The following SLC14A2 variants were observed in gnomAD, a reference collection of about 807,000 sequenced individuals.
SLC14A2 encodes the protein urea transporter 2.
Under a neutral mutation model 104.6 loss-of-function variants are expected in SLC14A2, and 91 were observed. That is an observed-to-expected ratio of 0.87 (90% CI 0.73 to 1.04). The LOEUF (loss-of-function observed/expected upper bound fraction) is 1.04. Among genes scored for constraint, SLC14A2 ranks in the 50% least tolerant of loss-of-function variants. The pLI is 0.00. For synonymous variants in SLC14A2, 476 were observed against 466.4 expected (o/e 1.02, Z -0.27); for missense variants, 1,189 against 1,156.0 (o/e 1.03, Z -0.41).
At chr18:45,600,610 A>G (rs2044775029) in intron 2 of SLC14A2, among the ~76,000 whole-genome samples, 1 of 152,184 alleles carries the variant, frequency 6.6e-6, no homozygotes, top group Admixed American at 6.5e-5. Flanking sequence ...ACCTCTGCAC[A>G]GAGAGCAGCA....
At chr18:45,444,149 C>A (rs1333388053) in intron 1 of SLC14A2, among the ~76,000 whole-genome samples, 2 of 152,172 alleles carry the variant, frequency 1.3e-5, no homozygotes, top group Admixed American at 6.5e-5. Context: ...GACTTTTGTG[C>A]GTGTACTGAA....
intron 1 of SLC14A2, among the ~76,000 whole-genome samples, chr18:45,360,368 A>G (rs1244603003): frequency 6.6e-6 from 1 of 152,184 alleles, no homozygotes; most frequent in African/African-American, 2.4e-5. Flanking sequence ...TTGTGTCCCC[A>G]TAGTATCTAA....
chr18:45,351,291 C>T (rs543436600), intron 1 of SLC14A2, among the ~76,000 whole-genome samples: 1 of 152,110 alleles, frequency 6.6e-6, no homozygotes, highest in Admixed American at 6.5e-5. Context: ...TCCTGGGTCT[C>T]CAACCCAAAT....
chr18:45,633,071 C>G (rs1296941105), intron 5 of SLC14A2, among the ~76,000 whole-genome samples: 2 of 152,148 alleles, frequency 1.3e-5, no homozygotes. Flanking sequence ...TCAGCATTTC[C>G]TAAGTTATTC....
intron 1 of SLC14A2, among the ~76,000 whole-genome samples, chr18:45,253,902 T>A (rs895106296): frequency 6.6e-6 from 1 of 152,366 alleles, no homozygotes; most frequent in South Asian, 2.1e-4. Context: ...TTCTATTCTA[T>A]ATCTAGAAAG....
At chr18:45,294,502 A>G (rs1251569079) in intron 1 of SLC14A2, among the ~76,000 whole-genome samples, 4 of 152,270 alleles carry the variant, frequency 2.6e-5, no homozygotes, top group Non-Finnish European at 5.9e-5. Flanking sequence ...GTTATCTTCT[A>G]GAACTATACA....
intron 1 of SLC14A2, among the ~76,000 whole-genome samples, chr18:45,459,534 G>T (rs140004382): frequency 3.9e-5 from 6 of 152,300 alleles, no homozygotes; most frequent in African/African-American, 1.4e-4. Context: ...CCACCTCCTT[G>T]TCTGGGCCTT....
intron 2 of SLC14A2, among the ~76,000 whole-genome samples, chr18:45,587,227 G>A (rs547225896): frequency 1.4e-3 from 220 of 152,112 alleles, no homozygotes; most frequent in Non-Finnish European, 2.6e-3. Context: ...CGCCTGCCTC[G>A]GCCTCCCACA....
intron 15 of SLC14A2, among the ~76,000 whole-genome samples, chr18:45,669,100 CT>C (rs2046082717): frequency 6.6e-6 from 1 of 152,236 alleles, no homozygotes. Context: ...ATATCTTCTT[CT>C]GAAGTTGAGT....
At chr18:45,339,523 T>C (rs2085371953) in intron 1 of SLC14A2, among the ~76,000 whole-genome samples, 1 of 152,134 alleles carries the variant, frequency 6.6e-6, no homozygotes, top group South Asian at 2.1e-4. Context: ...CACATACTCA[T>C]CAATCACCTC....
intron 1 of SLC14A2, among the ~76,000 whole-genome samples, chr18:45,312,075 T>C (rs549895708): frequency 1.3e-5 from 2 of 152,316 alleles, no homozygotes; most frequent in South Asian, 4.2e-4. Context: ...GTTCAAATCC[T>C]TGCTCCATCC....
intron 1 of SLC14A2, among the ~76,000 whole-genome samples, chr18:45,339,081 T>C (rs911157250): frequency 6.6e-5 from 10 of 151,730 alleles, no homozygotes; most frequent in African/African-American, 2.4e-4. Flanking sequence ...GGATTACAGG[T>C]GTGTGCCACC....
intron 2 of SLC14A2, among the ~76,000 whole-genome samples, chr18:45,510,049 T>G (rs2043342901): frequency 6.6e-6 from 1 of 152,210 alleles, no homozygotes; most frequent in Admixed American, 6.5e-5. Flanking sequence ...ACCTCCTCAC[T>G]GTCCTTCCAA....
At chr18:45,255,024 C>T (rs1452833736) in intron 1 of SLC14A2, among the ~76,000 whole-genome samples, 2 of 152,154 alleles carry the variant, frequency 1.3e-5, no homozygotes, top group Middle Eastern at 3.2e-3. Context: ...AGCACACTTG[C>T]TCCCCTACCC....
chr18:45,203,387 G>A, the SLC14A2 span, among the ~76,000 whole-genome samples: 1 of 152,284 alleles, frequency 6.6e-6, no homozygotes, highest in Non-Finnish European at 1.5e-5. Context: ...GCGGAACTGT[G>A]GGGTAAGGCC....
At chr18:45,299,776 T>TA (rs1245754024) in intron 1 of SLC14A2, among the ~76,000 whole-genome samples, 1 of 152,208 alleles carries the variant, frequency 6.6e-6, no homozygotes, top group Non-Finnish European at 1.5e-5. Context: ...CGTCTTACTT[T>TA]AAAATGCAGT....
the SLC14A2 span, among the ~76,000 whole-genome samples, chr18:45,177,471 C>T: frequency 1.3e-5 from 2 of 152,148 alleles, no homozygotes; most frequent in Non-Finnish European, 1.5e-5. Flanking sequence ...GCATTTTATC[C>T]TCCCTTTTAT....
chr18:45,660,240 G>A (rs964349986), intron 10 of SLC14A2, among the ~76,000 whole-genome samples: 2 of 152,174 alleles, frequency 1.3e-5, no homozygotes, highest in African/African-American at 4.8e-5. Context: ...AGGTAAAATG[G>A]CATAATCCTG....
chr18:45,278,886 G>A (rs945754638), intron 1 of SLC14A2, among the ~76,000 whole-genome samples: 1 of 152,186 alleles, frequency 6.6e-6, no homozygotes, highest in Non-Finnish European at 1.5e-5. Flanking sequence ...GCTAACTGGT[G>A]CTTACCACTG....
Sources: gnomAD v4.1 joint callset for allele counts (sites outside exome capture counted in the v4.1 genomes callset) on GRCh38, gnomAD v4.1.1 for gene constraint, MANE v1.5 for transcripts, NCBI Gene and HGNC (gene_info 2026-07-23, HGNC 2026-07-21) for gene names.